The following TRIM61 variants were observed in gnomAD, a reference collection of about 807,000 sequenced individuals.
The protein encoded by TRIM61 is putative tripartite motif-containing protein 61.
A neutral mutation model predicts 14.2 loss-of-function variants in TRIM61; 1 was observed. That is an observed-to-expected ratio of 0.07 (90% confidence interval 0.03 to 0.33). The LOEUF is 0.33. Among genes scored for constraint, TRIM61 ranks in the 10% least tolerant of loss-of-function variants. The pLI, the probability that TRIM61 is intolerant of heterozygous loss-of-function variation, is 0.99. For missense variants in TRIM61, 19 were observed against 202.2 expected, an observed-to-expected ratio of 0.09 and a Z score of 5.49; for synonymous variants, 8 against 71.6, an observed-to-expected ratio of 0.11 and a Z score of 4.49.
chr4:164,956,853 A>C lies in TRIM61; in HGVS notation c.526-1757T>G, dbSNP rs79735644. On this transcript the variant is annotated intron_variant, in intron 3 of 4. Coordinates refer to ENST00000329314, the MANE Select transcript of TRIM61 (RefSeq NM_001012414.3). ...GGCTCTCAAGGGGCTTCAGCACCCCAAGCACTGCAGCGTTTCTCCCAGGAG... is the reference window on the plus strand; with the variant it reads ...GGCTCTCAAGGGGCTTCAGCACCCCCAGCACTGCAGCGTTTCTCCCAGGAG... 2,120 of 667,000 alleles carry C rather than the reference A, an allele frequency of 3.2e-3. 31 individuals are homozygous for C. The African/African-American group carries it at 0.032, about 10-fold the overall frequency. 41.3% of individuals were successfully genotyped at this position (667,000 alleles called of 1,614,324 possible).
At chr4:164,961,020 C>T (rs1732118584) in intron 3 of TRIM61, among the ~76,000 whole-genome samples, 1 of 150,384 alleles carries the variant, frequency 6.6e-6, no homozygotes. Context: ...CTGGTTTTTA[C>T]AAAAGAAACA....
rs567171617 is a variant in TRIM61, at chr4:164,975,186, C to T, written c.-338+1502G>A. On this transcript the variant is annotated intron_variant, in intron 2 of 4. Transcript: ENST00000329314. Reference sequence around the variant, plus strand: ...CAGAGGTTGCAGTGAGCTGAGATGGCGCCATTGCACTCCAGCCTGGGTGAA... The same window carrying T: ...CAGAGGTTGCAGTGAGCTGAGATGGTGCCATTGCACTCCAGCCTGGGTGAA... Among the ~76,000 whole-genome samples the T allele has an allele frequency of 9.7e-4, 146 of 150,356 alleles. 1 individual carries two copies. Among genetic ancestry groups the T allele is most frequent in the African/African-American group, 3.5e-3 (144 of 40,786 alleles).
In TRIM61 at chr4:164,955,013, A is replaced by C; in HGVS notation, c.609T>G (p.Asp203Glu). The change falls in exon 4 of 5, where the codon GAT (aspartate) becomes GAG (glutamate). Residue 203 changes from aspartate to glutamate, a missense_variant. Around this residue, in one of 2 missense-constraint regions of TRIM61, gnomAD observed 2 missense variants for 96.6 expected, o/e 0.02. Transcript: ENST00000329314. ...CTACTCAGGAGCCAGAGGCAGAAGAATCGCTTGATCCCGGGAGGCGGAGGT... is the reference window on the plus strand; with the variant it reads ...CTACTCAGGAGCCAGAGGCAGAAGACTCGCTTGATCCCGGGAGGCGGAGGT... 1 of 298,636 alleles carries C rather than the reference A, an allele frequency of 3.3e-6. No homozygotes were observed. Among genetic ancestry groups the C allele is most frequent in the Non-Finnish European group, 6.9e-6 (1 of 144,888 alleles). The allele number at this position is 298,636 out of a possible 1,614,324, so 18.5% of individuals were successfully genotyped here. A position where few individuals can be genotyped will look rare whatever the true frequency, so the allele number is the denominator to read the frequency against.
rs143261318 is a variant in TRIM61, at chr4:164,973,134, AT to A, written c.-337-2796del. 5.5e-3 allele frequency among the ~76,000 whole-genome samples: 838 copies of A among 152,286 alleles called. 7 individuals carry two copies. The highest frequency in any genetic ancestry group is 0.02 in the African/African-American group (811 of 41,552). On this transcript the variant is annotated intron_variant, in intron 2 of 4. Transcript: ENST00000329314. The stretch of plus-strand genomic sequence containing the variant: ...CCCAAGACACATGTTCTCAAGGATA[AT>A]TTATTATATGTCAGGCACTATGCTA...
At chr4:164,956,004 A>G (rs962849495) in intron 3 of TRIM61, among the ~76,000 whole-genome samples, 1 of 152,192 alleles carries the variant, frequency 6.6e-6, no homozygotes, top group Non-Finnish European at 1.5e-5. Context: ...AAGAGAAATG[A>G]GCTTTTCTGG....
intron 3 of TRIM61, among the ~76,000 whole-genome samples, chr4:164,967,117 T>C (rs1732259789): frequency 6.6e-6 from 1 of 152,180 alleles, no homozygotes; most frequent in Admixed American, 6.5e-5. Flanking sequence ...TTCTGTATAC[T>C]AGTAATGAAC....
intron 3 of TRIM61, among the ~76,000 whole-genome samples, chr4:164,956,478 T>C (rs900473064): frequency 6.6e-6 from 1 of 152,206 alleles, no homozygotes; most frequent in African/African-American, 2.4e-5. Flanking sequence ...GAATTAACAA[T>C]CTTTATAACC....
chr4:164,965,441 C>A (rs1284704693), intron 3 of TRIM61, among the ~76,000 whole-genome samples: 4 of 142,346 alleles, frequency 2.8e-5, no homozygotes, highest in African/African-American at 1.0e-4. Flanking sequence ...AGAATTCTGC[C>A]TATGCTTTTT....
At chr4:164,955,865 G>C (rs1364554864) in intron 3 of TRIM61, among the ~76,000 whole-genome samples, 3 of 152,144 alleles carry the variant, frequency 2.0e-5, no homozygotes, top group Admixed American at 2.0e-4. Context: ...AGAGGGTGTA[G>C]ACAGGAAATT....
intron 3 of TRIM61, among the ~76,000 whole-genome samples, chr4:164,966,553 G>A (rs1002384873): frequency 1.3e-5 from 2 of 152,188 alleles, no homozygotes; most frequent in Non-Finnish European, 2.9e-5. Flanking sequence ...TGGTTATAAA[G>A]CAATAGTTGT....
chr4:164,973,998 T>C (rs1186512271), intron 2 of TRIM61, among the ~76,000 whole-genome samples: 1 of 152,172 alleles, frequency 6.6e-6, no homozygotes, highest in African/African-American at 2.4e-5. Context: ...GGTAAAACCT[T>C]GTCTCTCCTG....
At chr4:164,956,928 G>A (rs1560881437) in intron 3 of TRIM61, 2 of 1,241,902 alleles carry the variant, frequency 1.6e-6, no homozygotes, top group African/African-American at 1.5e-5. Context: ...GTGATTGGGT[G>A]CGGCCGGCAC....
intron 3 of TRIM61, chr4:164,955,147 A>G (rs1731954007): frequency 5.8e-6 from 1 of 172,144 alleles, no homozygotes; most frequent in African/African-American, 2.4e-5. Flanking sequence ...TAGTATACAC[A>G]TGTCCTACAC....
At chr4:164,965,446 C>CG (rs1732218148) in intron 3 of TRIM61, among the ~76,000 whole-genome samples, 1 of 126,294 alleles carries the variant, frequency 7.9e-6, no homozygotes, top group African/African-American at 3.1e-5. Context: ...TCTGCCTATG[C>CG]TTTTTTTTTT....
intron 3 of TRIM61, among the ~76,000 whole-genome samples, chr4:164,963,991 A>C (rs9917978): frequency 0.53 from 81,110 of 151,764 alleles, 22,308 homozygotes; most frequent in East Asian, 0.71. Flanking sequence ...AAATTTATAG[A>C]ATTAAATTTA....
chr4:164,955,804 G>T (rs564875763), intron 3 of TRIM61, among the ~76,000 whole-genome samples: 24 of 152,000 alleles, frequency 1.6e-4, no homozygotes, highest in Non-Finnish European at 3.4e-4. Flanking sequence ...GCCTAGTCTC[G>T]CTCTTTCCTC....
At chr4:164,957,277 C>T (rs530298531) in intron 3 of TRIM61, 20 of 1,614,200 alleles carry the variant, frequency 1.2e-5, no homozygotes, top group Non-Finnish European at 1.6e-5. Context: ...TCGTTTTCTC[C>T]GCGTGCCCTG....
chr4:164,968,084 G>T (rs187340500), intron 3 of TRIM61, 197 bp downstream of exon 3: 27 of 793,606 alleles, frequency 3.4e-5, no homozygotes, highest in Non-Finnish European at 4.1e-5. Flanking sequence ...CCTGGGAGAC[G>T]GAGGTTGCAG....
chr4:164,960,016 C>T (rs1311579053), intron 3 of TRIM61, among the ~76,000 whole-genome samples: 1 of 152,030 alleles, frequency 6.6e-6, no homozygotes, highest in African/African-American at 2.4e-5. Context: ...CACTGCAGTC[C>T]TTATAAAAAG....
Sources: allele counts gnomAD v4.1 joint callset (sites outside exome capture counted in the v4.1 genomes callset), GRCh38; gene constraint gnomAD v4.1.1; regional missense constraint gnomAD v4.1.1; transcripts MANE v1.5; gene names NCBI Gene and HGNC (gene_info 2026-07-23, HGNC 2026-07-21).